Variants in TPRG1 observed in about 807,000 individuals in gnomAD.
The protein encoded by TPRG1 is tumor protein p63-regulated gene 1 protein.
Under a neutral mutation model 29.3 loss-of-function variants are expected in TPRG1, and 29 were observed. The ratio of observed to expected loss-of-function variants is 0.99; its 90% CI spans 0.74 to 1.35. TPRG1 has a LOEUF of 1.35. Ranked by LOEUF, TPRG1 falls within the 40% of genes most tolerant of loss-of-function variation. The pLI, the probability that TPRG1 is intolerant of heterozygous loss-of-function variation, is 0.00. For synonymous variants in TPRG1, 130 were observed against 116.8 expected, an observed-to-expected ratio of 1.11 and a Z score of -0.73; for missense variants, 327 against 335.0, an observed-to-expected ratio of 0.98 and a Z score of 0.19.
Position 189,238,894 on chromosome 3 carries a change from G to A in TPRG1, c.464G>A (p.Gly155Glu). 6 of 1,612,298 alleles carry A rather than the reference G, an allele frequency of 3.7e-6. No homozygotes were observed. Among genetic ancestry groups the A allele is most frequent in the Non-Finnish European group, 5.1e-6 (6 of 1,178,936 alleles). Residue 155 changes from glycine (G) to glutamate (E), a missense_variant, in exon 4 of 6, where the codon GGG becomes GAG. Physicochemically the swap from Gly to Glu is moderately conservative, Grantham distance 98. Transcript: ENST00000345063. ...RICLGKFTFP[G>E]MSLDKRQGEG... ...TGCCTGGGCAAGTTCACCTTCCCTG[G>A]GATGTCCCTGGACAAGTGAGTATAT...
chr3:189,019,682 T>C (rs1713180787), intron 3 of TPRG1, among the ~76,000 whole-genome samples: 1 of 151,952 alleles, frequency 6.6e-6, no homozygotes, highest in East Asian at 1.9e-4. Context: ...AGGATATTGG[T>C]CTAAAATTCT....
At chr3:189,148,052 C>A (rs879351736) in intron 4 of TPRG1, among the ~76,000 whole-genome samples, 5 of 152,200 alleles carry the variant, frequency 3.3e-5, no homozygotes, top group African/African-American at 4.8e-5. Flanking sequence ...GCCTAAGGTT[C>A]TGATTCACAG....
chr3:189,195,456 T>C (rs1732380782), intron 1 of TPRG1, among the ~76,000 whole-genome samples: 1 of 152,102 alleles, frequency 6.6e-6, no homozygotes, highest in South Asian at 2.1e-4. Context: ...ATTTGGCCAC[T>C]GGTCTGCGGT....
At chr3:189,186,464 T>A (rs910019770) in intron 1 of TPRG1, among the ~76,000 whole-genome samples, 4 of 152,230 alleles carry the variant, frequency 2.6e-5, no homozygotes, top group Admixed American at 1.3e-4. Context: ...GTAACTTGTT[T>A]TTTCTGATTT....
At chr3:189,314,113 T>G (rs1000381299) in intron 5 of TPRG1, among the ~76,000 whole-genome samples, 3 of 152,136 alleles carry the variant, frequency 2.0e-5, no homozygotes, top group Non-Finnish European at 2.9e-5. Context: ...GTTTCAGGAT[T>G]GGGTAGATGG....
intron 3 of TPRG1, among the ~76,000 whole-genome samples, chr3:189,223,612 A>G (rs1047239366): frequency 5.9e-5 from 9 of 152,170 alleles, no homozygotes; most frequent in African/African-American, 1.9e-4. Context: ...ACTGCTACCA[A>G]TTAGGGAGGA....
intron 2 of TPRG1, among the ~76,000 whole-genome samples, chr3:189,128,527 T>C (rs1466486881): frequency 6.6e-6 from 1 of 152,212 alleles, no homozygotes; most frequent in Non-Finnish European, 1.5e-5. Context: ...CTGGCAACTG[T>C]AGTTGAATGA....
intron 4 of TPRG1, among the ~76,000 whole-genome samples, chr3:189,031,242 G>C (rs535262831): frequency 4.6e-5 from 7 of 151,924 alleles, no homozygotes; most frequent in Admixed American, 2.0e-4. Flanking sequence ...AGTGAGCCGC[G>C]ATTGCGCCAC....
At chr3:189,021,943 T>G (rs1713338940) in intron 3 of TPRG1, among the ~76,000 whole-genome samples, 1 of 152,210 alleles carries the variant, frequency 6.6e-6, no homozygotes. Context: ...TTTTATTCTT[T>G]TTTCTCTAAC....
At chr3:189,041,623 C>T (rs1714641144) in intron 4 of TPRG1, among the ~76,000 whole-genome samples, 1 of 152,190 alleles carries the variant, frequency 6.6e-6, no homozygotes, top group African/African-American at 2.4e-5. Flanking sequence ...GAACAAGCTT[C>T]CTAGTCTTAG....
At chr3:189,006,782 C>G (rs531553806) in intron 3 of TPRG1, among the ~76,000 whole-genome samples, 37 of 152,200 alleles carry the variant, frequency 2.4e-4, no homozygotes, top group African/African-American at 8.4e-4. Flanking sequence ...ACTTTAGCTT[C>G]TCGCCTAAGT....
At chr3:189,212,661 T>C (rs1052390244) in intron 2 of TPRG1, among the ~76,000 whole-genome samples, 15 of 152,294 alleles carry the variant, frequency 9.8e-5, no homozygotes, top group Admixed American at 5.2e-4. Context: ...GCTTGGACTT[T>C]AAAAATCACA....
chr3:189,189,502 G>T (rs1358702585), intron 1 of TPRG1, among the ~76,000 whole-genome samples: 1 of 152,048 alleles, frequency 6.6e-6, no homozygotes, highest in East Asian at 1.9e-4. Context: ...ACTTGGATTT[G>T]CCCCTGGGAG....
At chr3:189,259,255 T>A (rs966989187) in intron 4 of TPRG1, among the ~76,000 whole-genome samples, 1 of 151,546 alleles carries the variant, frequency 6.6e-6, no homozygotes, top group African/African-American at 2.4e-5. Flanking sequence ...GGGGAGGGAG[T>A]TCCCTGACCC....
chr3:189,109,986 G>T (rs10446352), intron 1 of TPRG1, among the ~76,000 whole-genome samples: 54,157 of 151,974 alleles, frequency 0.36, 11,412 homozygotes, highest in African/African-American at 0.56. Context: ...TCAGCAGTTT[G>T]CTCCTTTTTA....
intron 4 of TPRG1, among the ~76,000 whole-genome samples, chr3:189,044,646 TAAG>T: frequency 6.6e-6 from 1 of 151,854 alleles, no homozygotes; most frequent in East Asian, 1.9e-4. Flanking sequence ...ATACGAAGGT[TAAG>T]AAGAGCATAA....
intron 4 of TPRG1, among the ~76,000 whole-genome samples, chr3:189,266,131 C>T (rs1284358244): frequency 6.6e-6 from 1 of 152,098 alleles, no homozygotes; most frequent in Non-Finnish European, 1.5e-5. Context: ...TATTTGGAGG[C>T]TCATATACTA....
At chr3:189,292,478 C>T (rs1417758677) in intron 4 of TPRG1, among the ~76,000 whole-genome samples, 1 of 151,756 alleles carries the variant, frequency 6.6e-6, no homozygotes, top group East Asian at 1.9e-4. Flanking sequence ...TTTCAGTTTC[C>T]CTGTCTATGA....
chr3:189,224,247 C>T (rs1365005082), intron 3 of TPRG1, among the ~76,000 whole-genome samples: 16 of 152,284 alleles, frequency 1.1e-4, no homozygotes, highest in South Asian at 6.2e-4. Context: ...CTTTGGGAGG[C>T]GAAAGCGGGT....
Sources: allele counts gnomAD v4.1 joint callset (sites outside exome capture counted in the v4.1 genomes callset), GRCh38; gene constraint gnomAD v4.1.1; transcripts MANE v1.5; gene names NCBI Gene and HGNC (gene_info 2026-07-23, HGNC 2026-07-21).